CCDC171: variants seen among roughly 807,000 people sequenced by gnomAD.
CCDC171 encodes coiled-coil domain containing 171.
Under a neutral mutation model 168.2 loss-of-function variants are expected in CCDC171, and 177 were observed. That is an observed-to-expected ratio of 1.05 (90% CI 0.93 to 1.19). CCDC171 has a LOEUF of 1.19. Ranked by LOEUF, CCDC171 falls within the 50% of genes most tolerant of loss-of-function variation. The pLI, the probability that CCDC171 is intolerant of heterozygous loss-of-function variation, is 0.00. For synonymous variants in CCDC171, 687 were observed against 540.8 expected (o/e 1.27, Z -3.75); for missense variants, 1,991 against 1,539.0 (o/e 1.29, Z -4.91).
chr9:15,749,424 A>G (rs1229224779), intron 18 of CCDC171, among the ~76,000 whole-genome samples: 3 of 152,158 alleles, frequency 2.0e-5, no homozygotes, highest in African/African-American at 2.4e-5. Flanking sequence ...GAGACAGAAA[A>G]TTAACAGGGA....
At chr9:15,734,585 G>A (rs566631979) in intron 16 of CCDC171, among the ~76,000 whole-genome samples, 1 of 152,134 alleles carries the variant, frequency 6.6e-6, no homozygotes, top group African/African-American at 2.4e-5. Flanking sequence ...CATATATTCT[G>A]TATTATTTAT....
Position 16,036,305 on chromosome 9 carries a change from A to G in CCDC171, n.1181+99A>G, listed in dbSNP as rs983383075. On this transcript the variant is annotated intron_variant and non_coding_transcript_variant, in intron 8 of 9. Coordinates refer to the CCDC171 transcript ENST00000486641. ...AGACCTACATTTTGTGGTTTCCATGATGGCCCAAGAACAGCCCAAAAAGCC... is the reference window on the plus strand; with the variant it reads ...AGACCTACATTTTGTGGTTTCCATGGTGGCCCAAGAACAGCCCAAAAAGCC... The G allele has an allele frequency of 3.9e-5, 6 of 152,246 alleles. No individual in the cohort carries two copies. The East Asian group carries it at 5.8e-4, about 15-fold the overall frequency. The allele number at this position is 152,246 out of a possible 1,614,324, so 9.4% of individuals were successfully genotyped here.
chr9:15,632,627 C>T (rs2132321344), intron 7 of CCDC171, among the ~76,000 whole-genome samples: 1 of 152,262 alleles, frequency 6.6e-6, no homozygotes, highest in South Asian at 2.1e-4. Flanking sequence ...ATGCCATCCC[C>T]ATCAAGCTAC....
upstream of CCDC171, among the ~76,000 whole-genome samples, chr9:16,040,478 C>T (rs545038636): frequency 1.3e-5 from 2 of 152,122 alleles, no homozygotes; most frequent in Admixed American, 6.5e-5. Context: ...GAAAGGCAGG[C>T]GGCTGCGAAG....
intron 6 of CCDC171, among the ~76,000 whole-genome samples, chr9:15,599,485 C>G (rs1038141064): frequency 1.3e-5 from 2 of 152,316 alleles, no homozygotes; most frequent in African/African-American, 4.8e-5. Flanking sequence ...CCCCCACTCT[C>G]TCCTGGCTTG....
Position 15,852,509 on chromosome 9 carries a change from A to G in CCDC171, c.3468+3562A>G, listed in dbSNP as rs894090377. Among the ~76,000 whole-genome samples, 26 of 151,780 alleles carry G rather than the reference A, an allele frequency of 1.7e-4. No individual in the cohort carries two copies. The South Asian group carries it at 1.9e-3, about 11-fold the overall frequency. ...CTTATTATATATATGAATTGAAAAC[A>G]TTTTCTCCCATCCTGTAGGTTGTCT... On this transcript the variant is annotated intron_variant, in intron 23 of 25. Coordinates refer to ENST00000380701, the MANE Select transcript of CCDC171 (RefSeq NM_173550.4).
chr9:15,780,057 T>G (rs2057579494), intron 20 of CCDC171, among the ~76,000 whole-genome samples: 1 of 152,240 alleles, frequency 6.6e-6, no homozygotes, highest in African/African-American at 2.4e-5. Flanking sequence ...TTTACAGTTT[T>G]AACATTTGCA....
Position 15,594,084 on chromosome 9 carries a change from C to T in CCDC171, c.587C>T (p.Ser196Phe). ...CAACGGGAGAAGAATGAGATGGAGTCTCATATCAGGGAGACAGCATTGGAG... is the reference window on the plus strand; with the variant it reads ...CAACGGGAGAAGAATGAGATGGAGTTTCATATCAGGGAGACAGCATTGGAG... Reference protein sequence around the residue: ...KHQREKNEMESHIRETALEEF... With the variant: ...KHQREKNEMEFHIRETALEEF... The change falls in exon 6 of 26, where the codon TCT (serine) becomes TTT (phenylalanine). Residue 196 changes from serine to phenylalanine, a missense_variant. Coordinates refer to ENST00000380701, the MANE Select transcript of CCDC171 (RefSeq NM_173550.4). 1.3e-6 allele frequency: 2 copies of T among 1,583,866 alleles called. No homozygotes were observed. The highest frequency in any genetic ancestry group is 1.7e-4 in the Middle Eastern group (1 of 6,000).
chr9:15,829,686 G>A (rs1000830090), intron 21 of CCDC171, among the ~76,000 whole-genome samples: 6 of 152,116 alleles, frequency 3.9e-5, no homozygotes, highest in South Asian at 2.1e-4. Flanking sequence ...TTGGGAGGCC[G>A]AAGTGGGAGG....
chr9:15,744,793 C>T lies in CCDC171; in HGVS notation c.2554+16C>T. ...AAATTTCCAAGTAAGATAATTTCTG[C>T]TTTTAAAAATATAAGTTGCATGTAA... On this transcript the variant is annotated intron_variant, in intron 17 of 25. Transcript: ENST00000380701. 2.5e-6 allele frequency: 4 copies of T among 1,599,684 alleles called. No homozygotes were observed. Among genetic ancestry groups the T allele is most frequent in the African/African-American group, 1.3e-5 (1 of 74,234 alleles).
chr9:15,963,841 C>G (rs1463500896), intron 25 of CCDC171, among the ~76,000 whole-genome samples: 1 of 152,084 alleles, frequency 6.6e-6, no homozygotes, highest in African/African-American at 2.4e-5. Flanking sequence ...AGGAAACAAA[C>G]AAACAGACAA....
rs922956962 is a variant in CCDC171, at chr9:15,947,364, A to G, written c.3754-24245A>G. Among the ~76,000 whole-genome samples, 109 of 151,756 alleles carry G rather than the reference A, an allele frequency of 7.2e-4. 1 individual carries two copies. The highest frequency in any genetic ancestry group is 2.4e-3 in the African/African-American group (99 of 41,366). On this transcript the variant is annotated intron_variant, in intron 25 of 25. Coordinates refer to ENST00000380701, the MANE Select transcript of CCDC171 (RefSeq NM_173550.4). ...TAAACAGTAATTTCCCATTTCCCCC[A>G]TCTCCCTAGATCCTGGCAATCACCA...
chr9:15,641,359 T>G (rs534199235), intron 7 of CCDC171, among the ~76,000 whole-genome samples: 2 of 152,312 alleles, frequency 1.3e-5, no homozygotes, highest in Admixed American at 6.5e-5. Flanking sequence ...TCTTGACTAA[T>G]TGTTTTAAGT....
chr9:15,577,543 A>G (rs1377983752), intron 3 of CCDC171, among the ~76,000 whole-genome samples: 4 of 152,214 alleles, frequency 2.6e-5, no homozygotes, highest in Non-Finnish European at 4.4e-5. Flanking sequence ...GCTTAAATAT[A>G]TTAGCCAGCC....
chr9:15,814,309 G>GGTGTATATTTCATGTTT (rs1491215176), intron 21 of CCDC171, among the ~76,000 whole-genome samples: 4 of 152,084 alleles, frequency 2.6e-5, no homozygotes, highest in African/African-American at 9.6e-5. Flanking sequence ...TCTTTGACTT[G>GGTGTATATTTCATGTTT]GTGTATATTT....
rs527292415 is a variant in CCDC171 at position 15,983,059 on chromosome 9, A to G, written n.369-37530A>G. Among the ~76,000 whole-genome samples the G allele has an allele frequency of 5.3e-5, 8 of 152,256 alleles. No homozygotes were observed. The South Asian group carries it at 1.7e-3, about 32-fold the overall frequency. On this transcript the variant is annotated intron_variant and non_coding_transcript_variant, in intron 3 of 9. Transcript: ENST00000486641. Reference sequence around the variant, plus strand: ...TGGATTTCTTGTGCAGCACTTAACTATGGACTTGTGTTTGCTTCTTGAAGC... The same window carrying G: ...TGGATTTCTTGTGCAGCACTTAACTGTGGACTTGTGTTTGCTTCTTGAAGC...
At chr9:15,911,150 A>T (rs1367776200) in intron 24 of CCDC171, among the ~76,000 whole-genome samples, 1 of 152,146 alleles carries the variant, frequency 6.6e-6, no homozygotes, top group East Asian at 1.9e-4. Context: ...AAACTAATTT[A>T]CACCCCCACC....
At chr9:15,608,037 A>T (rs2043350036) in intron 6 of CCDC171, among the ~76,000 whole-genome samples, 1 of 152,198 alleles carries the variant, frequency 6.6e-6, no homozygotes, top group Non-Finnish European at 1.5e-5. Flanking sequence ...CAGAGGTCCA[A>T]GGCTGCACAG....
At chr9:15,575,024 A>G (rs1432508268) in intron 3 of CCDC171, among the ~76,000 whole-genome samples, 1 of 152,158 alleles carries the variant, frequency 6.6e-6, no homozygotes, top group Non-Finnish European at 1.5e-5. Context: ...TGAGCGTAAC[A>G]ATACTGTTGT....
Sources: gnomAD v4.1 joint callset for allele counts (sites outside exome capture counted in the v4.1 genomes callset) on GRCh38, gnomAD v4.1.1 for gene constraint, MANE v1.5 for transcripts, NCBI Gene and HGNC (gene_info 2026-07-23, HGNC 2026-07-21) for gene names.